Variants in EDDM3A observed in about 807,000 individuals in gnomAD.
EDDM3A encodes the protein epididymal secretory protein E3-alpha.
For missense variants in EDDM3A, 199 were observed against 177.4 expected, an observed-to-expected ratio of 1.12 and a Z score of -0.69; for synonymous variants, 75 against 60.4, an observed-to-expected ratio of 1.24 and a Z score of -1.12.
chr14:20,738,470 A>AAATAAAT, the EDDM3A span, among the ~76,000 whole-genome samples: 69 of 143,284 alleles, frequency 4.8e-4, no homozygotes, highest in Middle Eastern at 3.4e-3. Flanking sequence ...ACTCTGTCTC[A>AAATAAAT]AAATAAATAA....
chr14:20,744,093 C>T (rs1877514129), upstream of EDDM3A, among the ~76,000 whole-genome samples: 1 of 152,156 alleles, frequency 6.6e-6, no homozygotes, highest in South Asian at 2.1e-4. Context: ...TTGGAAAGAG[C>T]TCTGGATGTG....
upstream of EDDM3A, among the ~76,000 whole-genome samples, chr14:20,744,935 T>C (rs1033317880): frequency 2.0e-5 from 3 of 152,220 alleles, no homozygotes; most frequent in Non-Finnish European, 4.4e-5. Context: ...AAAAGTGATT[T>C]TCTGGCCTGA....
At chr14:20,737,864 T>C in the EDDM3A span, among the ~76,000 whole-genome samples, 38,084 of 152,172 alleles carry the variant, frequency 0.25, 4,936 homozygotes, top group Middle Eastern at 0.4. Flanking sequence ...GCTTGCTTCA[T>C]ATAATTTTGT....
At chr14:20,742,106 C>A (rs1877451985), upstream of EDDM3A, among the ~76,000 whole-genome samples, 1 of 152,166 alleles carries the variant, frequency 6.6e-6, no homozygotes, top group Non-Finnish European at 1.5e-5. Flanking sequence ...ATTACAGTGT[C>A]CCCAGATCAA....
chr14:20,736,166 GTGGCCAGATCT>G, the EDDM3A span, among the ~76,000 whole-genome samples: 1 of 151,158 alleles, frequency 6.6e-6, no homozygotes, highest in Non-Finnish European at 1.5e-5. Flanking sequence ...CTGGAGTGCA[GTGGCCAGATCT>G]TGGCTCACTG....
chr14:20,746,513 AG>A (rs1346815025), intron 1 of EDDM3A, among the ~76,000 whole-genome samples: 2 of 152,224 alleles, frequency 1.3e-5, no homozygotes. Flanking sequence ...CTGTGACCAC[AG>A]TAGCTCTGCG....
At chr14:20,745,872 T>G (rs1388916448), upstream of EDDM3A, 1 of 152,566 alleles carries the variant, frequency 6.6e-6, no homozygotes, top group Non-Finnish European at 1.5e-5. Context: ...CTACTATTCC[T>G]TTCTCCACTG....
At position 20,748,316 on chromosome 14, in the gene EDDM3A, C is replaced by G. The variant is rs374388655; in HGVS notation, c.*292C>G. ...ACCTAAGACTTTCCTGATATTGACT[C>G]TCTTTATACCTACCCAAGCTGAACG... On this transcript the variant is annotated 3_prime_UTR_variant, in exon 2 of 2. Transcript: ENST00000326842. The G allele has an allele frequency of 1.1e-4, 29 of 273,278 alleles. 1 individual carries two copies. Among genetic ancestry groups the G allele is most frequent in the African/African-American group, 6.2e-4 (28 of 45,034 alleles). 16.9% of individuals were successfully genotyped at this position (273,278 alleles called of 1,614,324 possible). A position where few individuals can be genotyped will look rare whatever the true frequency, so the allele number is the denominator to read the frequency against.
At chr14:20,741,908 T>C (rs1165196044), upstream of EDDM3A, among the ~76,000 whole-genome samples, 2 of 152,180 alleles carry the variant, frequency 1.3e-5, no homozygotes, top group Non-Finnish European at 2.9e-5. Flanking sequence ...TCTGAAACTA[T>C]GAAAGTGAAG....
At chr14:20,736,143 T>G in the EDDM3A span, among the ~76,000 whole-genome samples, 2 of 150,336 alleles carry the variant, frequency 1.3e-5, no homozygotes, top group Non-Finnish European at 3.0e-5. Context: ...AGAGTCTCAC[T>G]CTGTCACCCA....
rs1877636926 is a variant in EDDM3A at position 20,747,605 on chromosome 14, G to A, written c.25G>A (p.Gly9Ser). 1.9e-6 allele frequency: 3 copies of A among 1,609,748 alleles called. No individual in the cohort carries two copies. Among genetic ancestry groups the A allele is most frequent in the South Asian group, 2.2e-5 (2 of 90,512 alleles). ...GATGACATCCTCTCTAAAGATTTGG[G>A]GCATACTCTTGGCCCTGCTTTGCAT... Reference protein sequence around the residue: MTSSLKIWGILLALLCILC... With the variant: MTSSLKIWSILLALLCILC... The change falls in exon 2 of 2, where the codon GGC (glycine) becomes AGC (serine). Residue 9 changes from glycine to serine, a missense_variant. Gly to Ser is a moderately conservative substitution (Grantham distance 56). Transcript: ENST00000326842.
the EDDM3A span, among the ~76,000 whole-genome samples, chr14:20,736,042 A>C: frequency 1.3e-5 from 2 of 152,156 alleles, no homozygotes; most frequent in Non-Finnish European, 2.9e-5. Flanking sequence ...ATCTCTAATC[A>C]GAGAAACCAA....
rs576955902 is a variant in EDDM3A at position 20,746,255 on chromosome 14, G to A, written c.-27+263G>A. 2.6e-5 allele frequency among the ~76,000 whole-genome samples: 4 copies of A among 152,184 alleles called. No individual in the cohort carries two copies. The South Asian group carries it at 6.2e-4, about 24-fold the overall frequency. ...TGTAGGCCTTTATCACCAGGACAGG[G>A]TTCCACAGATGAGGAACCCTGTGCC... is the stretch of plus-strand genomic sequence containing the variant. On this transcript the variant is annotated intron_variant, in intron 1 of 1. Coordinates refer to ENST00000326842, the MANE Select transcript of EDDM3A (RefSeq NM_006683.5).
At chr14:20,747,521 G>C in intron 1 of EDDM3A, 34 bp from the exon 2 acceptor site, 1 of 1,347,832 alleles carries the variant, frequency 7.4e-7, no homozygotes, top group Non-Finnish European at 1.0e-6. Context: ...TCTGAGTATA[G>C]TCTGGTTAAT....
chr14:20,746,244 A>G (rs1279188244), intron 1 of EDDM3A, among the ~76,000 whole-genome samples: 1 of 152,014 alleles, frequency 6.6e-6, no homozygotes, highest in African/African-American at 2.4e-5. Context: ...GGCCTTTATC[A>G]CCAGGACAGG....
chr14:20,741,757 G>A (rs959231170), upstream of EDDM3A, among the ~76,000 whole-genome samples: 9 of 152,184 alleles, frequency 5.9e-5, no homozygotes, highest in Non-Finnish European at 1.2e-4. Context: ...CCCGAGGGCA[G>A]CCTCTGACCC....
At chr14:20,737,380 C>T in the EDDM3A span, among the ~76,000 whole-genome samples, 2 of 151,918 alleles carry the variant, frequency 1.3e-5, no homozygotes, top group African/African-American at 2.4e-5. Flanking sequence ...GTAGAGGTGC[C>T]GGAGAGTGAA....
chr14:20,740,831 G>GTTTAAAGAAAGTGGAAAGAAAT, the EDDM3A span, among the ~76,000 whole-genome samples: 1 of 152,000 alleles, frequency 6.6e-6, no homozygotes, highest in African/African-American at 2.4e-5. Flanking sequence ...ATGACAAGAT[G>GTTTAAAGAAAGTGGAAAGAAAT]CAGGAATGGC....
Position 20,747,977 on chromosome 14 carries a change from G to A in EDDM3A, c.397G>A (p.Val133Ile), listed in dbSNP as rs117028324. The change falls in exon 2 of 2, where the codon GTT becomes ATT. Residue 133 changes from valine to isoleucine, a missense_variant. Coordinates refer to ENST00000326842, the MANE Select transcript of EDDM3A (RefSeq NM_006683.5). ...IEFHCGVDGY[V>I]DNIEDLRIIE... is the part of the protein sequence containing the mutation. ...ATTCCATTGTGGCGTAGATGGATAT[G>A]TTGATAACATAGAAGACCTGAGGAT... 4.3e-3 allele frequency: 6,855 copies of A among 1,612,820 alleles called. 20 individuals are homozygous for A. Among genetic ancestry groups the A allele is most frequent in the Non-Finnish European group, 5.2e-3 (6,093 of 1,179,514 alleles).
Sources: gnomAD v4.1 joint callset for allele counts (sites outside exome capture counted in the v4.1 genomes callset) on GRCh38, gnomAD v4.1.1 for gene constraint, MANE v1.5 for transcripts, NCBI Gene and HGNC (gene_info 2026-07-23, HGNC 2026-07-21) for gene names.